CAMK1D: variants seen among roughly 807,000 people sequenced by gnomAD.
CAMK1D encodes calcium/calmodulin dependent protein kinase ID, also known as calcium/calmodulin-dependent protein kinase type 1D.
Under a neutral mutation model 47.7 loss-of-function variants are expected in CAMK1D, and 9 were observed. The ratio of observed to expected loss-of-function variants is 0.19; its 90% CI spans 0.11 to 0.33. The LOEUF is 0.33. Ranked by LOEUF, CAMK1D falls within the 10% of genes least tolerant of loss-of-function variation. The pLI, the probability that CAMK1D is intolerant of heterozygous loss-of-function variation, is 1.00. For missense variants in CAMK1D, 291 were observed against 488.7 expected, an observed-to-expected ratio of 0.60 and a Z score of 3.81; for synonymous variants, 184 against 184.9, an observed-to-expected ratio of 0.99 and a Z score of 0.04.
chr10:12,734,115 G>T (rs1835020719), intron 3 of CAMK1D, among the ~76,000 whole-genome samples: 1 of 151,198 alleles, frequency 6.6e-6, no homozygotes, highest in African/African-American at 2.4e-5. Context: ...ATCACTTGAG[G>T]TCAGGAGTTC....
intron 1 of CAMK1D, among the ~76,000 whole-genome samples, chr10:12,408,357 G>A (rs796904999): frequency 1.5e-4 from 23 of 150,684 alleles, no homozygotes; most frequent in African/African-American, 5.6e-4. Flanking sequence ...GTAGAGATGG[G>A]GTTTTGCCAT....
intron 3 of CAMK1D, among the ~76,000 whole-genome samples, chr10:12,720,695 T>C (rs1490856424): frequency 1.3e-5 from 2 of 152,186 alleles, no homozygotes; most frequent in African/African-American, 2.4e-5. Context: ...TTTTTTGAGA[T>C]TGAAACTACA....
intron 2 of CAMK1D, among the ~76,000 whole-genome samples, chr10:12,555,091 T>G (rs1280416624): frequency 6.6e-6 from 1 of 152,200 alleles, no homozygotes; most frequent in Non-Finnish European, 1.5e-5. Flanking sequence ...TTTTTGGGGT[T>G]TGGAATCAGC....
At chr10:12,659,976 G>T (rs1840229316) in intron 2 of CAMK1D, among the ~76,000 whole-genome samples, 1 of 152,246 alleles carries the variant, frequency 6.6e-6, no homozygotes, top group African/African-American at 2.4e-5. Flanking sequence ...TCTGTGCCTC[G>T]CTATCCCCAC....
intron 1 of CAMK1D, among the ~76,000 whole-genome samples, chr10:12,542,307 A>G (rs1033168977): frequency 1.3e-5 from 2 of 152,240 alleles, no homozygotes; most frequent in African/African-American, 2.4e-5. Context: ...AGGCCCAGTT[A>G]CACAGTCTGG....
intron 1 of CAMK1D, among the ~76,000 whole-genome samples, chr10:12,542,907 G>A (rs764643901): frequency 8.6e-5 from 13 of 151,968 alleles, no homozygotes; most frequent in Non-Finnish European, 1.2e-4. Flanking sequence ...CACCATGCCC[G>A]GCTCATTTTT....
intron 3 of CAMK1D, among the ~76,000 whole-genome samples, chr10:12,739,833 C>A (rs11817189): frequency 2.0e-5 from 3 of 152,008 alleles, no homozygotes; most frequent in African/African-American, 7.3e-5. Context: ...ACCGACCCAT[C>A]GAATCATTTT....
intron 1 of CAMK1D, among the ~76,000 whole-genome samples, chr10:12,484,359 G>A (rs1239847301): frequency 2.0e-5 from 3 of 152,200 alleles, no homozygotes; most frequent in African/African-American, 4.8e-5. Flanking sequence ...GAGGGAGGAG[G>A]GCCAATTACA....
chr10:12,384,531 A>G lies in CAMK1D; in HGVS notation c.92+34621A>G, dbSNP rs12246618. 9.2e-3 allele frequency among the ~76,000 whole-genome samples: 1,399 copies of G among 152,300 alleles called. 27 individuals carry two copies. The highest frequency in any genetic ancestry group is 0.032 in the African/African-American group (1,336 of 41,562). ...TGAGAGTCCAGAAATAAACTCTCAC[A>G]TTTATGGTTTATTTTCTTTTGACTG... On this transcript the variant is annotated intron_variant, in intron 1 of 10. Transcript: ENST00000619168.
At chr10:12,363,242 GT>G (rs111571804) in intron 1 of CAMK1D, among the ~76,000 whole-genome samples, 3 of 147,040 alleles carry the variant, frequency 2.0e-5, no homozygotes, top group Admixed American at 6.8e-5. Context: ...CACCCGGCCT[GT>G]TTTTTTTTTG....
At chr10:12,475,691 G>A (rs979683375) in intron 1 of CAMK1D, among the ~76,000 whole-genome samples, 5 of 152,154 alleles carry the variant, frequency 3.3e-5, no homozygotes, top group African/African-American at 7.2e-5. Context: ...GGATTAGTTC[G>A]TTGATGGACA....
intron 1 of CAMK1D, among the ~76,000 whole-genome samples, chr10:12,523,784 G>A (rs1023696852): frequency 1.1e-4 from 17 of 152,090 alleles, no homozygotes; most frequent in African/African-American, 4.1e-4. Context: ...GAGAGGGAGC[G>A]GGAGAGGTAT....
At chr10:12,665,528 C>A (rs1250491855) in intron 2 of CAMK1D, among the ~76,000 whole-genome samples, 1 of 152,210 alleles carries the variant, frequency 6.6e-6, no homozygotes, top group African/African-American at 2.4e-5. Context: ...GTAGTTCTAG[C>A]TTTCAAGAGG....
intron 3 of CAMK1D, among the ~76,000 whole-genome samples, chr10:12,679,993 C>T (rs1840938776): frequency 6.6e-6 from 1 of 152,184 alleles, no homozygotes; most frequent in Non-Finnish European, 1.5e-5. Flanking sequence ...CTCTCTCATC[C>T]CAGAAGCCCC....
intron 5 of CAMK1D, among the ~76,000 whole-genome samples, chr10:12,772,261 A>G (rs1429171312): frequency 3.3e-5 from 5 of 152,132 alleles, no homozygotes; most frequent in Non-Finnish European, 7.4e-5. Context: ...GAGACGAGAC[A>G]AGCTGAGTGG....
At position 12,562,680 on chromosome 10, in the gene CAMK1D, A is replaced by G. The variant is rs562140041; in HGVS notation, c.224+9324A>G. 2.0e-5 allele frequency among the ~76,000 whole-genome samples: 3 copies of G among 152,110 alleles called. No individual in the cohort carries two copies. The South Asian group carries it at 6.2e-4, about 32-fold the overall frequency. On this transcript the variant is annotated intron_variant, in intron 2 of 10. Coordinates refer to ENST00000619168, the MANE Select transcript of CAMK1D (RefSeq NM_153498.4). ...CAGTTTGACACACACCTCCTTCAGG[A>G]CACCTCTTGATTTCCTGTCTGGATG...
At chr10:12,608,698 C>A (rs1838535206) in intron 2 of CAMK1D, among the ~76,000 whole-genome samples, 1 of 152,222 alleles carries the variant, frequency 6.6e-6, no homozygotes, top group Non-Finnish European at 1.5e-5. Context: ...ATTGAATCTG[C>A]AGAATATCAA....
intron 10 of CAMK1D, 102 bp from the exon 11 acceptor site, chr10:12,828,667 C>CCG: frequency 1.2e-6 from 1 of 839,348 alleles, no homozygotes; most frequent in Non-Finnish European, 1.9e-6. Flanking sequence ...TGGGCCCCCC[C>CCG]GCCCCCCACC....
intron 2 of CAMK1D, among the ~76,000 whole-genome samples, chr10:12,554,342 A>C (rs1395898670): frequency 7.7e-6 from 1 of 130,308 alleles, no homozygotes; most frequent in African/African-American, 2.6e-5. Flanking sequence ...TTTTGTAGAG[A>C]TGAGGTTTCT....
Sources: gnomAD v4.1 joint callset for allele counts (sites outside exome capture counted in the v4.1 genomes callset) on GRCh38, gnomAD v4.1.1 for gene constraint, MANE v1.5 for transcripts, NCBI Gene and HGNC (gene_info 2026-07-23, HGNC 2026-07-21) for gene names.